Variants in FNIP2 observed in about 807,000 individuals in gnomAD.
The protein encoded by FNIP2 is folliculin interacting protein 2, also known as folliculin-interacting protein 2.
In FNIP2, 32 loss-of-function variants were observed where a neutral mutation model predicts 108.7. That is an observed-to-expected ratio of 0.29 (90% CI 0.22 to 0.40). FNIP2 has a LOEUF of 0.40. FNIP2 is among the 10% of genes least tolerant of loss of function. FNIP2 has a pLI of 1.00. For missense variants in FNIP2, 1,202 were observed against 1,381.6 expected (o/e 0.87, Z 2.06); for synonymous variants, 480 against 496.7 (o/e 0.97, Z 0.45).
At chr4:158,840,733 A>AGT (rs1395022220) in intron 7 of FNIP2, among the ~76,000 whole-genome samples, 1 of 152,196 alleles carries the variant, frequency 6.6e-6, no homozygotes, top group Non-Finnish European at 1.5e-5. Context: ...ACATGAGTAG[A>AGT]GTAAGGTTCA....
At chr4:158,804,692 T>G (rs1466383094) in intron 1 of FNIP2, among the ~76,000 whole-genome samples, 2 of 152,230 alleles carry the variant, frequency 1.3e-5, no homozygotes, top group Non-Finnish European at 2.9e-5. Context: ...GATTATAGGC[T>G]TGATCTACAG....
intron 1 of FNIP2, among the ~76,000 whole-genome samples, chr4:158,809,621 T>TA (rs1224075884): frequency 6.6e-6 from 1 of 152,258 alleles, no homozygotes; most frequent in Non-Finnish European, 1.5e-5. Flanking sequence ...ACAAAATTCT[T>TA]ACGGCTGTTT....
Position 158,859,616 on chromosome 4 carries a change from C to T in FNIP2, c.1098C>T (p.Leu366=), listed in dbSNP as rs371976863. ...ISCRKIAESS[L]RVQFYVSRLM... ...GTAGGAAAATAGCAGAATCAAGTCT[C>T]CGAGTCCAGTTTTATGTCAGCCGTT... Residue 366 remains leucine, a synonymous_variant, in exon 10 of 17, where the codon CTC becomes CTT. Coordinates refer to ENST00000264433, the MANE Select transcript of FNIP2 (RefSeq NM_020840.3). 5.9e-4 allele frequency: 945 copies of T among 1,613,598 alleles called. 1 individual carries two copies. Among genetic ancestry groups the T allele is most frequent in the Non-Finnish European group, 7.6e-4 (899 of 1,179,744 alleles).
In FNIP2 at chr4:158,869,169, G is replaced by A. The variant is rs1410552669; in HGVS notation, c.2533G>A (p.Ala845Thr). 6.2e-7 allele frequency: 1 copy of A among 1,614,060 alleles called. No individual in the cohort carries two copies. Among genetic ancestry groups the A allele is most frequent in the Non-Finnish European group, 8.5e-7 (1 of 1,179,902 alleles). Residue 845 changes from alanine to threonine, a missense_variant, in exon 13 of 17, where the codon GCG (alanine) becomes ACG (threonine). By Grantham distance (58) the Ala-to-Thr change is moderately conservative. This residue lies in a region of FNIP2 where 878 missense variants were observed against 990.3 expected (regional missense o/e 0.89). Coordinates refer to ENST00000264433, the MANE Select transcript of FNIP2 (RefSeq NM_020840.3). ...CACTAGAGGTTTGTATGTGAAGGCT[G>A]CGGAAGGACCTGTGCTGGAGCCTGT... ...EATRGLYVKA[A>T]EGPVLEPVAP... is the part of the protein sequence containing the mutation.
intron 15 of FNIP2, among the ~76,000 whole-genome samples, chr4:158,895,279 T>A (rs1782571114): frequency 6.6e-6 from 1 of 152,202 alleles, no homozygotes; most frequent in Admixed American, 6.5e-5. Flanking sequence ...TGGGCCAGAA[T>A]AATCTGAGCT....
intron 1 of FNIP2, among the ~76,000 whole-genome samples, chr4:158,818,908 AC>A (rs1315124660): frequency 2.6e-5 from 4 of 152,204 alleles, no homozygotes; most frequent in Non-Finnish European, 5.9e-5. Flanking sequence ...AGCCCTGTTT[AC>A]CCTGGTGAAT....
intron 8 of FNIP2, among the ~76,000 whole-genome samples, chr4:158,853,607 A>G (rs1012223025): frequency 1.3e-5 from 2 of 152,142 alleles, no homozygotes; most frequent in African/African-American, 4.8e-5. Flanking sequence ...GTGCCCACCT[A>G]TGAGTGAGAA....
chr4:158,769,193 G>T lies in FNIP2; in HGVS notation c.-20G>T. Reference sequence around the variant, plus strand: ...CGCCGGCCCCCCGAGCGCCACGGCCGGAGCTGCGGCGGCGGCATCATGGCC... The same window carrying T: ...CGCCGGCCCCCCGAGCGCCACGGCCTGAGCTGCGGCGGCGGCATCATGGCC... On this transcript the variant is annotated 5_prime_UTR_variant, in exon 1 of 17. Coordinates refer to ENST00000264433, the MANE Select transcript of FNIP2 (RefSeq NM_020840.3). 7.6e-7 allele frequency: 1 copy of T among 1,318,050 alleles called. No homozygotes were observed. The allele number at this position is 1,318,050 out of a possible 1,614,324, so 81.6% of individuals were successfully genotyped here. A position where few individuals can be genotyped will look rare whatever the true frequency, so the allele number is the denominator to read the frequency against.
intron 12 of FNIP2, among the ~76,000 whole-genome samples, chr4:158,864,718 C>G (rs1578936480): frequency 6.6e-6 from 1 of 152,030 alleles, no homozygotes; most frequent in South Asian, 2.1e-4. Flanking sequence ...ACTATTGTTC[C>G]CCTCAACAGT....
At chr4:158,772,372 T>G (rs2126397057) in intron 1 of FNIP2, among the ~76,000 whole-genome samples, 1 of 152,348 alleles carries the variant, frequency 6.6e-6, no homozygotes, top group Non-Finnish European at 1.5e-5. Context: ...GTTTGAAGCA[T>G]TATCTTAAGG....
chr4:158,789,173 C>T (rs891727676), intron 1 of FNIP2, among the ~76,000 whole-genome samples: 3 of 152,182 alleles, frequency 2.0e-5, no homozygotes, highest in East Asian at 3.9e-4. Context: ...GTGATACTAG[C>T]GAATAAGTGC....
chr4:158,772,839 C>G (rs1220430004), intron 1 of FNIP2, among the ~76,000 whole-genome samples: 1 of 152,234 alleles, frequency 6.6e-6, no homozygotes, highest in African/African-American at 2.4e-5. Context: ...AGATTATACA[C>G]TAAGATGAAT....
intron 16 of FNIP2, 65 bp downstream of exon 16, chr4:158,895,930 C>A (rs1304529116): frequency 7.4e-6 from 9 of 1,209,564 alleles, no homozygotes; most frequent in African/African-American, 1.5e-5. Context: ...TACCCACTAA[C>A]GTGTTTAGCC....
chr4:158,806,781 AG>A (rs1416182605), intron 1 of FNIP2, among the ~76,000 whole-genome samples: 1 of 152,220 alleles, frequency 6.6e-6, no homozygotes, highest in Non-Finnish European at 1.5e-5. Context: ...GTAGCAGCAC[AG>A]TTAGTAGATG....
chr4:158,815,359 G>A (rs916660525), intron 1 of FNIP2, among the ~76,000 whole-genome samples: 4 of 150,136 alleles, frequency 2.7e-5, no homozygotes, highest in Non-Finnish European at 4.4e-5. Context: ...AAAGTCTTCT[G>A]CTTTCTTTTT....
chr4:158,772,488 C>T (rs1332927500), intron 1 of FNIP2, among the ~76,000 whole-genome samples: 3 of 152,248 alleles, frequency 2.0e-5, no homozygotes, highest in African/African-American at 7.2e-5. Flanking sequence ...AGACCTTGGG[C>T]TACCAGATGT....
intron 7 of FNIP2, among the ~76,000 whole-genome samples, chr4:158,839,180 G>A (rs1179218336): frequency 6.6e-6 from 1 of 152,134 alleles, no homozygotes; most frequent in Non-Finnish European, 1.5e-5. Context: ...CCATACCTAA[G>A]GGGTGGGGAA....
Position 158,827,001 on chromosome 4 carries a change from A to G in FNIP2, c.234+959A>G, listed in dbSNP as rs143512540. 3.0e-4 allele frequency among the ~76,000 whole-genome samples: 45 copies of G among 152,276 alleles called. 1 individual carries two copies. In the East Asian group the frequency reaches 7.3e-3, roughly 25 times the overall value. ...CCAAGGGGTTGTTTTCCTGCTTTTG[A>G]TAAGGATCATTTCTGCAGGAAGGAA... is the stretch of plus-strand genomic sequence containing the variant. On this transcript the variant is annotated intron_variant, in intron 2 of 16. Coordinates refer to ENST00000264433, the MANE Select transcript of FNIP2 (RefSeq NM_020840.3).
intron 14 of FNIP2, among the ~76,000 whole-genome samples, chr4:158,883,208 G>A (rs1781795355): frequency 6.6e-6 from 1 of 151,802 alleles, no homozygotes; most frequent in African/African-American, 2.4e-5. Flanking sequence ...TGAATCATAA[G>A]TTGCCTGTTC....
Sources: gnomAD v4.1 joint callset for allele counts (sites outside exome capture counted in the v4.1 genomes callset) on GRCh38, gnomAD v4.1.1 for gene constraint, gnomAD v4.1.1 regional missense constraint, MANE v1.5 for transcripts, NCBI Gene and HGNC (gene_info 2026-07-23, HGNC 2026-07-21) for gene names.